The following TAOK1 variants were observed in gnomAD, a reference collection of about 807,000 sequenced individuals.
TAOK1 encodes TAO kinase 1, also known as serine/threonine-protein kinase TAO1.
In TAOK1, 21 loss-of-function variants were observed where a neutral mutation model predicts 138.3. That is an observed-to-expected ratio of 0.15 (90% CI 0.11 to 0.22). TAOK1 has a LOEUF of 0.22. TAOK1 is among the 10% of genes least tolerant of loss of function. TAOK1 has a pLI of 1.00. For synonymous variants in TAOK1, 361 were observed against 398.4 expected (o/e 0.91, Z 1.12); for missense variants, 651 against 1,227.7 (o/e 0.53, Z 7.02).
chr17:29,495,499 G>A, intron 10 of TAOK1, 61 bp from the exon 11 acceptor site: 2 of 1,399,314 alleles, frequency 1.4e-6, no homozygotes, highest in Non-Finnish European at 1.9e-6. Context: ...TAGGGTCTGA[G>A]AAGGAGTACC....
intron 8 of TAOK1, among the ~76,000 whole-genome samples, chr17:29,484,881 A>G (rs1325036699): frequency 6.6e-6 from 1 of 152,172 alleles, no homozygotes; most frequent in African/African-American, 2.4e-5. Context: ...CTGGGTTTAT[A>G]GATGTGAGGT....
intron 6 of TAOK1, chr17:29,479,952 T>G (rs2031026418): frequency 6.6e-6 from 1 of 152,292 alleles, no homozygotes; most frequent in South Asian, 2.1e-4. Flanking sequence ...TTTTAAAAAG[T>G]TTGGAGAATA....
intron 1 of TAOK1, among the ~76,000 whole-genome samples, chr17:29,436,649 G>A (rs1468214815): frequency 6.6e-6 from 1 of 152,172 alleles, no homozygotes; most frequent in Non-Finnish European, 1.5e-5. Flanking sequence ...AAGAAGTTTG[G>A]TTATCTCCAT....
At chr17:29,416,033 C>T (rs1161622467) in intron 1 of TAOK1, among the ~76,000 whole-genome samples, 1 of 152,156 alleles carries the variant, frequency 6.6e-6, no homozygotes, top group African/African-American at 2.4e-5. Context: ...GAGGCTGAGG[C>T]AGGCGGATCA....
chr17:29,426,961 GTTAAAC>G (rs1905661081), intron 1 of TAOK1, among the ~76,000 whole-genome samples: 1 of 152,078 alleles, frequency 6.6e-6, no homozygotes, highest in Non-Finnish European at 1.5e-5. Context: ...ATAAATTTAA[GTTAAAC>G]TTAATAAAAA....
chr17:29,506,573 A>G (rs2031632711), intron 13 of TAOK1, among the ~76,000 whole-genome samples: 1 of 152,230 alleles, frequency 6.6e-6, no homozygotes, highest in South Asian at 2.1e-4. Context: ...TATAGTCAAC[A>G]ATAATATATT....
At chr17:29,511,031 T>G in intron 15 of TAOK1, 39 bp downstream of exon 15, 1 of 1,562,044 alleles carries the variant, frequency 6.4e-7, no homozygotes, top group South Asian at 1.2e-5. Flanking sequence ...AATTTTCTGC[T>G]TATTAATTAT....
Position 29,427,852 on chromosome 17 carries a change from G to A in TAOK1, c.-94-23603G>A, listed in dbSNP as rs544895332. On this transcript the variant is annotated intron_variant, in intron 1 of 19. Transcript: ENST00000261716. ...TGAGGCACGAGAATTGTTTGAATCC[G>A]GGGGCGGAGGTTGCAGTGAGCCGAG... Among the ~76,000 whole-genome samples, 211 of 151,462 alleles carry A rather than the reference G, an allele frequency of 1.4e-3. 1 individual carries two copies. The highest frequency in any genetic ancestry group is 4.7e-3 in the African/African-American group (194 of 41,272).
chr17:29,441,907 A>G (rs1460949791), intron 1 of TAOK1, among the ~76,000 whole-genome samples: 3 of 152,100 alleles, frequency 2.0e-5, no homozygotes, highest in Non-Finnish European at 4.4e-5. Context: ...CAAAAAAAAA[A>G]AAATCTCTGC....
At chr17:29,449,658 T>C (rs1397615105) in intron 1 of TAOK1, among the ~76,000 whole-genome samples, 4 of 151,726 alleles carry the variant, frequency 2.6e-5, no homozygotes, top group African/African-American at 4.8e-5. Flanking sequence ...CTGGCCAACA[T>C]GGTGAATCCC....
chr17:29,472,563 T>G (rs2030845714), intron 3 of TAOK1, among the ~76,000 whole-genome samples: 1 of 131,656 alleles, frequency 7.6e-6, no homozygotes, highest in African/African-American at 3.2e-5. Flanking sequence ...GCTATAGCCT[T>G]TCTTTCTTTC....
At chr17:29,481,041 T>A (rs531470505) in intron 7 of TAOK1, among the ~76,000 whole-genome samples, 2 of 152,154 alleles carry the variant, frequency 1.3e-5, no homozygotes, top group South Asian at 4.2e-4. Context: ...CATTTTTATT[T>A]GAAAGAAAGA....
At chr17:29,432,900 C>T (rs1012514127) in intron 1 of TAOK1, among the ~76,000 whole-genome samples, 1 of 152,034 alleles carries the variant, frequency 6.6e-6, no homozygotes, top group Non-Finnish European at 1.5e-5. Flanking sequence ...GTTAGGACTG[C>T]AGGTGTTTGC....
intron 7 of TAOK1, among the ~76,000 whole-genome samples, chr17:29,480,989 A>G (rs1598499610): frequency 6.6e-6 from 1 of 151,696 alleles, no homozygotes; most frequent in Non-Finnish European, 1.5e-5. Context: ...TAATTGTGTG[A>G]TTGAGTTGCA....
intron 17 of TAOK1, among the ~76,000 whole-genome samples, chr17:29,528,082 C>T (rs532936966): frequency 6.6e-5 from 10 of 152,242 alleles, no homozygotes; most frequent in African/African-American, 2.4e-4. Context: ...CAGAGTCTCA[C>T]TCTGTTGCCC....
Position 29,498,354 on chromosome 17 carries a change from A to G in TAOK1, c.1036A>G (p.Asn346Asp). The change falls in exon 12 of 20, where the codon AAT (asparagine) becomes GAT (aspartate). Residue 346 changes from asparagine to aspartate, a missense_variant. Physicochemically the swap from Asn to Asp is conservative, Grantham distance 23. Transcript: ENST00000261716. ...DHGVGRTGTVNSVGSNQSIPS... is the reference protein window; with the variant it reads ...DHGVGRTGTVDSVGSNQSIPS... The stretch of plus-strand genomic sequence containing the variant: ...TGGTGTTGGCCGGACAGGAACAGTT[A>G]ATAGTGTTGGAAGTAATCAATCCAT... 1 of 1,614,166 alleles carries G rather than the reference A, an allele frequency of 6.2e-7. No individual in the cohort carries two copies. Among genetic ancestry groups the G allele is most frequent in the Non-Finnish European group, 8.5e-7 (1 of 1,180,032 alleles).
chr17:29,414,016 G>T (rs1471877715), intron 1 of TAOK1, among the ~76,000 whole-genome samples: 2 of 150,496 alleles, frequency 1.3e-5, no homozygotes, highest in East Asian at 4.0e-4. Flanking sequence ...CCTAGTAGCT[G>T]GGACTATAGG....
intron 1 of TAOK1, among the ~76,000 whole-genome samples, chr17:29,442,088 G>C (rs1435251502): frequency 6.6e-6 from 1 of 151,446 alleles, no homozygotes; most frequent in Admixed American, 6.6e-5. Flanking sequence ...GGTCATCCAG[G>C]TTGGAATGCA....
chr17:29,395,909 C>G (rs2153019573), intron 1 of TAOK1, among the ~76,000 whole-genome samples: 1 of 136,040 alleles, frequency 7.4e-6, no homozygotes, highest in South Asian at 2.3e-4. Flanking sequence ...CTCCAGCTAT[C>G]TACCTGCCTT....
Sources: allele counts gnomAD v4.1 joint callset (sites outside exome capture counted in the v4.1 genomes callset), GRCh38; gene constraint gnomAD v4.1.1; transcripts MANE v1.5; gene names NCBI Gene and HGNC (gene_info 2026-07-23, HGNC 2026-07-21).